RSPH1: variants seen among roughly 807,000 people sequenced by gnomAD.
RSPH1 encodes the protein radial spoke head 1 homolog.
In RSPH1, 32 loss-of-function variants were observed where a neutral mutation model predicts 44.2. That is an observed-to-expected ratio of 0.72 (90% confidence interval 0.55 to 0.97). The LOEUF is 0.97. Ranked by LOEUF, RSPH1 falls within the 50% of genes least tolerant of loss-of-function variation. The probability of loss-of-function intolerance (pLI) is 0.00; values close to 1 mark genes in which losing one functional copy is unlikely to be tolerated. For synonymous variants in RSPH1, 134 were observed against 147.3 expected, an observed-to-expected ratio of 0.91 and a Z score of 0.65; for missense variants, 391 against 398.7, an observed-to-expected ratio of 0.98 and a Z score of 0.16.
chr21:42,480,997 G>A (rs1167832621), intron 6 of RSPH1, among the ~76,000 whole-genome samples: 2 of 152,138 alleles, frequency 1.3e-5, no homozygotes, highest in African/African-American at 4.8e-5. Flanking sequence ...AAAACAAAAC[G>A]AGGTGACTTG....
At chr21:42,477,074 C>T (rs2054066303) in intron 7 of RSPH1, among the ~76,000 whole-genome samples, 1 of 141,060 alleles carries the variant, frequency 7.1e-6, no homozygotes, top group Non-Finnish European at 1.6e-5. Flanking sequence ...CTCCACCCCA[C>T]AGCCCGGGGA....
chr21:42,473,489 TAAAAA>T (rs5844123), intron 8 of RSPH1, among the ~76,000 whole-genome samples: 1 of 125,492 alleles, frequency 8.0e-6, no homozygotes, highest in Admixed American at 8.1e-5. Context: ...GATTCCATCT[TAAAAA>T]AAAAAAAAAA....
rs1255344698 is a variant in RSPH1 at position 42,477,535 on chromosome 21, A to T, written c.574-91T>A. On this transcript the variant is annotated intron_variant, in intron 6 of 8. Coordinates refer to ENST00000291536, the MANE Select transcript of RSPH1 (RefSeq NM_080860.4). ...TGAGGGAGGAAGGACAAGTTTTGAA[A>T]GACAGGTTTTGGCTTGTGTTTCAGC... The T allele has an allele frequency of 2.1e-6, 3 of 1,413,464 alleles. No individual in the cohort carries two copies. In the African/African-American group the frequency reaches 4.2e-5, roughly 20 times the overall value. The allele number at this position is 1,413,464 out of a possible 1,614,324, so 87.6% of individuals were successfully genotyped here. A position where few individuals can be genotyped will look rare whatever the true frequency, so the allele number is the denominator to read the frequency against.
rs1360764401 is a variant in RSPH1, at chr21:42,475,949, C to T, written c.826G>A (p.Glu276Lys). The T allele has an allele frequency of 1.2e-6, 2 of 1,612,812 alleles. No individual in the cohort carries two copies. Among genetic ancestry groups the T allele is most frequent in the East Asian group, 4.5e-5 (2 of 44,710 alleles). Residue 276 changes from glutamate (E) to lysine (K), a missense_variant, in exon 8 of 9, where the codon GAA becomes AAA. By Grantham distance (56) the Glu-to-Lys change is moderately conservative. Coordinates refer to ENST00000291536, the MANE Select transcript of RSPH1 (RefSeq NM_080860.4). ...PGDEDADVLR[E>K]ESREYDQEEF... ...TCCTGGTCATACTCCCGGCTCTCTT[C>T]CCGGAGGACGTCTGCATCTTCATCT...
chr21:42,476,505 C>T (rs1200735313), intron 7 of RSPH1, among the ~76,000 whole-genome samples: 1 of 152,186 alleles, frequency 6.6e-6, no homozygotes, highest in Non-Finnish European at 1.5e-5. Context: ...CTTTCCTCCG[C>T]TTGCCATGGA....
intron 1 of RSPH1, among the ~76,000 whole-genome samples, chr21:42,494,655 G>T (rs998230272): frequency 6.6e-6 from 1 of 152,066 alleles, no homozygotes; most frequent in Middle Eastern, 3.2e-3. Flanking sequence ...AATCTTGCTG[G>T]TCAAGTGTTG....
At chr21:42,487,110 A>C (rs2054187893) in intron 3 of RSPH1, among the ~76,000 whole-genome samples, 1 of 151,690 alleles carries the variant, frequency 6.6e-6, no homozygotes, top group African/African-American at 2.4e-5. Context: ...TCACCTCCTC[A>C]CCTCCATACG....
Position 42,486,355 on chromosome 21 carries a change from A to G in RSPH1, c.365+16T>C, listed in dbSNP as rs1441193741. On this transcript the variant is annotated intron_variant, in intron 4 of 8. Coordinates refer to ENST00000291536, the MANE Select transcript of RSPH1 (RefSeq NM_080860.4). The stretch of plus-strand genomic sequence containing the variant: ...ACATAAGCAAATCCCGTTAAGACCC[A>G]AGATAGAAACCGAACCTTTGATGAG... The G allele has an allele frequency of 1.3e-6, 2 of 1,580,140 alleles. No individual in the cohort carries two copies. Among genetic ancestry groups the G allele is most frequent in the African/African-American group, 2.7e-5 (2 of 74,158 alleles).
Position 42,474,522 on chromosome 21 carries a change from A to G in RSPH1, c.877+1376T>C, listed in dbSNP as rs1205749342. On this transcript the variant is annotated intron_variant, in intron 8 of 8. Coordinates refer to ENST00000291536, the MANE Select transcript of RSPH1 (RefSeq NM_080860.4). The surrounding 1 kb of genome is among the most constrained non-coding windows in gnomAD (Gnocchi z 5.2). ...TATCAAACCCAGTGTCTCCCCCTCC[A>G]GCTGTGCTCCACAGTGACTAAGGAC... Among the ~76,000 whole-genome samples the G allele has an allele frequency of 6.6e-6, 1 of 152,178 alleles. No homozygotes were observed. The highest frequency in any genetic ancestry group is 1.5e-5 in the Non-Finnish European group (1 of 68,018).
At chr21:42,492,939 C>A in intron 2 of RSPH1, 27 bp downstream of exon 2, 2 of 1,604,248 alleles carry the variant, frequency 1.2e-6, no homozygotes, top group Admixed American at 1.7e-5. Flanking sequence ...ATAGAGAAAA[C>A]CATCCAGTCA....
At chr21:42,486,142 A>T in intron 4 of RSPH1, 1 of 575,768 alleles carries the variant, frequency 1.7e-6, no homozygotes, top group Non-Finnish European at 3.1e-6. Flanking sequence ...CTTGGGTGAA[A>T]GACTCACGTG....
At chr21:42,478,452 C>G (rs1668451379) in intron 6 of RSPH1, among the ~76,000 whole-genome samples, 1 of 152,242 alleles carries the variant, frequency 6.6e-6, no homozygotes, top group Non-Finnish European at 1.5e-5. Context: ...GCCCCACCCC[C>G]AGAGTTTCAG....
intron 1 of RSPH1, 199 bp downstream of exon 1, chr21:42,495,934 G>A: frequency 1.7e-6 from 1 of 591,528 alleles, no homozygotes; most frequent in South Asian, 2.0e-5. Context: ...GTAACCAGAC[G>A]TCACAGCGTT....
chr21:42,481,978 C>T (rs1245434324), intron 6 of RSPH1, among the ~76,000 whole-genome samples: 1 of 152,194 alleles, frequency 6.6e-6, no homozygotes. Flanking sequence ...AGCTAACAGT[C>T]ACTGGACAAA....
intron 6 of RSPH1, among the ~76,000 whole-genome samples, chr21:42,478,268 G>A (rs889069245): frequency 6.1e-4 from 93 of 152,342 alleles, no homozygotes; most frequent in African/African-American, 2.0e-3. Flanking sequence ...TGACAGAGAG[G>A]GGCAGACACC....
intron 8 of RSPH1, 151 bp from the exon 9 acceptor site, chr21:42,473,021 A>G (rs2054008844): frequency 1.7e-6 from 1 of 598,666 alleles, no homozygotes; most frequent in Non-Finnish European, 2.9e-6. Flanking sequence ...TTTATCTCAT[A>G]TGCACTTCAA....
intron 3 of RSPH1, among the ~76,000 whole-genome samples, chr21:42,489,468 T>C (rs1190761253): frequency 6.6e-6 from 1 of 152,202 alleles, no homozygotes; most frequent in Non-Finnish European, 1.5e-5. Flanking sequence ...GCAGTTTGTC[T>C]GGCACTTGGG....
At chr21:42,490,184 C>T (rs572728116) in intron 3 of RSPH1, among the ~76,000 whole-genome samples, 51 of 152,092 alleles carry the variant, frequency 3.4e-4, no homozygotes, top group African/African-American at 1.2e-3. Context: ...CCAAGTCACC[C>T]GCCACCCAGG....
chr21:42,476,085 G>A, intron 7 of RSPH1, 38 bp from the exon 8 acceptor site: 2 of 1,611,290 alleles, frequency 1.2e-6, no homozygotes, highest in South Asian at 2.2e-5. Context: ...GAGTTCCTGG[G>A]AAAAATGGAG....
Sources: gnomAD v4.1 joint callset for allele counts (sites outside exome capture counted in the v4.1 genomes callset) on GRCh38, gnomAD v4.1.1 for gene constraint, Gnocchi (gnomAD v3.1) non-coding constraint, MANE v1.5 for transcripts, NCBI Gene and HGNC (gene_info 2026-07-23, HGNC 2026-07-21) for gene names.